Variants in AAK1 observed in about 807,000 individuals in gnomAD.
AAK1 encodes AP2-associated protein kinase 1.
AAK1 carries 37 observed loss-of-function variants against 116.0 expected under a neutral mutation model. That is an observed-to-expected ratio of 0.32 (90% CI 0.25 to 0.42). The LOEUF (loss-of-function observed/expected upper bound fraction) is 0.42. Ranked by LOEUF, AAK1 falls within the 10% of genes least tolerant of loss-of-function variation. AAK1 has a pLI of 1.00. For synonymous variants in AAK1, 458 were observed against 439.9 expected, an observed-to-expected ratio of 1.04 and a Z score of -0.51; for missense variants, 919 against 1,170.6, an observed-to-expected ratio of 0.79 and a Z score of 3.14.
chr2:69,582,652 T>C (rs1672598539), intron 2 of AAK1, among the ~76,000 whole-genome samples: 1 of 152,104 alleles, frequency 6.6e-6, no homozygotes, highest in African/African-American at 2.4e-5. Flanking sequence ...TTGCCAGCTG[T>C]CTGCTCAAGC....
chr2:69,540,664 T>TACTTTGGAAA (rs1202439169), intron 5 of AAK1, among the ~76,000 whole-genome samples: 1 of 152,204 alleles, frequency 6.6e-6, no homozygotes, highest in Non-Finnish European at 1.5e-5. Flanking sequence ...GGACGTAAAA[T>TACTTTGGAAA]AGTGTGACTA....
At chr2:69,492,230 T>C (rs919865440) in intron 17 of AAK1, among the ~76,000 whole-genome samples, 5 of 152,144 alleles carry the variant, frequency 3.3e-5, no homozygotes, top group East Asian at 1.9e-4. Flanking sequence ...CTTTTTTTTT[T>C]TGAGACGGAG....
chr2:69,526,751 T>C (rs1670045070), intron 9 of AAK1, among the ~76,000 whole-genome samples: 1 of 152,054 alleles, frequency 6.6e-6, no homozygotes, highest in East Asian at 1.9e-4. Flanking sequence ...GGAGTGTGAG[T>C]TATAAATGGC....
chr2:69,529,788 G>A (rs1670178152), intron 8 of AAK1, among the ~76,000 whole-genome samples: 1 of 152,138 alleles, frequency 6.6e-6, no homozygotes, highest in Admixed American at 6.5e-5. Context: ...TTCTGCTTGG[G>A]TGGCTGGGCT....
Position 69,556,834 on chromosome 2 carries a change from G to C in AAK1, c.282+26C>G, listed in dbSNP as rs1484564873. ...ACAATCTCTGCCTCCATTTTAAACAGTCCCAAGTCCAAGGGGCAGCCTTAC... is the reference window on the plus strand; with the variant it reads ...ACAATCTCTGCCTCCATTTTAAACACTCCCAAGTCCAAGGGGCAGCCTTAC... On this transcript the variant is annotated intron_variant, in intron 3 of 21. Coordinates refer to ENST00000409085, the MANE Select transcript of AAK1 (RefSeq NM_014911.5). 1.9e-6 allele frequency: 3 copies of C among 1,561,096 alleles called. No homozygotes were observed. The African/African-American group carries it at 4.1e-5, about 21-fold the overall frequency.
rs1411416499 is a variant in AAK1 at position 69,458,754 on chromosome 2, C to T, written c.*17115G>A. On this transcript the variant is annotated 3_prime_UTR_variant, in exon 22 of 22. Transcript: ENST00000409085. Reference sequence around the variant, plus strand: ...CCCATTCACACTCAAATAGGAATCTCTGGTAGACTCAAAGAGTACAGCTGA... The same window carrying T: ...CCCATTCACACTCAAATAGGAATCTTTGGTAGACTCAAAGAGTACAGCTGA... The T allele has an allele frequency of 3.3e-5, 5 of 152,566 alleles. No homozygotes were observed. 9.5% of individuals were successfully genotyped at this position (152,566 alleles called of 1,614,324 possible).
At chr2:69,538,227 G>A (rs2105041513) in intron 5 of AAK1, among the ~76,000 whole-genome samples, 1 of 152,360 alleles carries the variant, frequency 6.6e-6, no homozygotes, top group South Asian at 2.1e-4. Flanking sequence ...AGGTGCAAGG[G>A]GTAAAGCACT....
Position 69,468,072 on chromosome 2 carries a change from T to C in AAK1, c.*7797A>G. ...TGGGGCGTTAAGTTAAATTCTGTAC[T>C]GGTGCCAAATGGCTTTCAGAATAGT... On this transcript the variant is annotated 3_prime_UTR_variant, in exon 22 of 22. Coordinates refer to ENST00000409085, the MANE Select transcript of AAK1 (RefSeq NM_014911.5). The C allele has an allele frequency of 1.0e-6, 1 of 985,458 alleles. No homozygotes were observed. Among genetic ancestry groups the C allele is most frequent in the Non-Finnish European group, 1.2e-6 (1 of 829,914 alleles). The allele number at this position is 985,458 out of a possible 1,614,324, so 61.0% of individuals were successfully genotyped here. A position where few individuals can be genotyped will look rare whatever the true frequency, so the allele number is the denominator to read the frequency against.
At chr2:69,597,951 T>C (rs542282976) in intron 2 of AAK1, 8 of 277,200 alleles carry the variant, frequency 2.9e-5, no homozygotes, top group East Asian at 5.9e-5. Flanking sequence ...AGACAGGCCA[T>C]TGGAGTTACT....
At chr2:69,502,366 A>T (rs1676010657) in intron 16 of AAK1, among the ~76,000 whole-genome samples, 1 of 152,128 alleles carries the variant, frequency 6.6e-6, no homozygotes, top group South Asian at 2.1e-4. Context: ...TCACGTCTGT[A>T]ATCCCAGCAC....
At chr2:69,610,502 G>C (rs185374563) in intron 2 of AAK1, among the ~76,000 whole-genome samples, 1 of 152,144 alleles carries the variant, frequency 6.6e-6, no homozygotes, top group Non-Finnish European at 1.5e-5. Flanking sequence ...TATGCAAATG[G>C]AACCATAGCA....
chr2:69,547,182 A>G (rs1400081841), intron 3 of AAK1, among the ~76,000 whole-genome samples: 1 of 152,224 alleles, frequency 6.6e-6, no homozygotes, highest in East Asian at 1.9e-4. Context: ...CATACGTGCA[A>G]ATCTTTGTGA....
chr2:69,482,281 G>T, intron 18 of AAK1: 1 of 303,540 alleles, frequency 3.3e-6, no homozygotes, highest in Non-Finnish European at 6.0e-6. Context: ...GAACCCGGGA[G>T]ATGGAGGTTG....
rs1674603738 is a variant in AAK1, at chr2:69,469,482, A to G, written c.*6387T>C. ...ATATGAAGGTAGCATTGTGTCAACA[A>G]GAAAACGTGTTTGAAGCAGTCTCTT... On this transcript the variant is annotated 3_prime_UTR_variant, in exon 22 of 22. Coordinates refer to ENST00000409085, the MANE Select transcript of AAK1 (RefSeq NM_014911.5). 1 of 985,382 alleles carries G rather than the reference A, an allele frequency of 1.0e-6. No individual in the cohort carries two copies. Among genetic ancestry groups the G allele is most frequent in the Non-Finnish European group, 1.2e-6 (1 of 829,962 alleles). The allele number at this position is 985,382 out of a possible 1,614,324, so 61.0% of individuals were successfully genotyped here. A position where few individuals can be genotyped will look rare whatever the true frequency, so the allele number is the denominator to read the frequency against.
At chr2:69,487,223 G>A (rs1675331855) in intron 17 of AAK1, among the ~76,000 whole-genome samples, 1 of 152,178 alleles carries the variant, frequency 6.6e-6, no homozygotes. Context: ...GATGTAATGG[G>A]AGGCACAAGA....
At chr2:69,576,104 C>T (rs1672304703) in intron 2 of AAK1, among the ~76,000 whole-genome samples, 1 of 152,142 alleles carries the variant, frequency 6.6e-6, no homozygotes, top group Non-Finnish European at 1.5e-5. Context: ...TAAAGAAACC[C>T]ATGCACTCTC....
chr2:69,526,188 T>C (rs1572925378), intron 9 of AAK1, among the ~76,000 whole-genome samples: 1 of 152,210 alleles, frequency 6.6e-6, no homozygotes. Flanking sequence ...GGTGTTTACA[T>C]TTCAGTCATG....
intron 6 of AAK1, among the ~76,000 whole-genome samples, chr2:69,531,363 C>T (rs961909602): frequency 3.3e-5 from 5 of 152,094 alleles, no homozygotes; most frequent in African/African-American, 9.7e-5. Context: ...CTTCTTGCCC[C>T]GGGCATGGTT....
intron 17 of AAK1, among the ~76,000 whole-genome samples, chr2:69,490,126 GTCT>G (rs1190623150): frequency 6.6e-6 from 1 of 152,158 alleles, no homozygotes; most frequent in African/African-American, 2.4e-5. Flanking sequence ...GGCAACGAAT[GTCT>G]TCTTGCTTAG....
Sources: gnomAD v4.1 joint callset for allele counts (sites outside exome capture counted in the v4.1 genomes callset) on GRCh38, gnomAD v4.1.1 for gene constraint, MANE v1.5 for transcripts, NCBI Gene and HGNC (gene_info 2026-07-23, HGNC 2026-07-21) for gene names.